Variants in AUTS2 observed in about 807,000 individuals in gnomAD.
AUTS2 encodes activator of transcription and developmental regulator AUTS2.
Under a neutral mutation model 112.4 loss-of-function variants are expected in AUTS2, and 17 were observed. That is an observed-to-expected ratio of 0.15 (90% CI 0.10 to 0.23). The LOEUF (loss-of-function observed/expected upper bound fraction) is 0.23. Ranked by LOEUF, AUTS2 falls within the 10% of genes least tolerant of loss-of-function variation. AUTS2 has a pLI of 1.00. For missense variants in AUTS2, 1,510 were observed against 1,701.6 expected (o/e 0.89, Z 1.98); for synonymous variants, 751 against 702.7 (o/e 1.07, Z -1.09).
chr7:70,356,217 CTG>C (rs1362502488), intron 4 of AUTS2, among the ~76,000 whole-genome samples: 1 of 152,180 alleles, frequency 6.6e-6, no homozygotes, highest in Non-Finnish European at 1.5e-5. Flanking sequence ...GCTTCAGTCT[CTG>C]TGAACACTCA....
At chr7:70,131,644 G>A (rs1278220041) in intron 3 of AUTS2, among the ~76,000 whole-genome samples, 2 of 152,038 alleles carry the variant, frequency 1.3e-5, no homozygotes, top group Non-Finnish European at 2.9e-5. Flanking sequence ...GTTGTTGCCT[G>A]TGTTCATATA....
rs111684752 is a variant in AUTS2, at chr7:69,700,044, G to A, written c.309+100082G>A. Among the ~76,000 whole-genome samples the A allele has an allele frequency of 3.5e-4, 54 of 152,290 alleles. 2 individuals carry two copies. Among genetic ancestry groups the A allele is most frequent in the African/African-American group, 1.2e-3 (50 of 41,558 alleles). ...TGCATTTGTAATTTTGATAGTCACT[G>A]CTAAATCCCTCTGTAGAGGTCGTAC... is the stretch of plus-strand genomic sequence containing the variant. On this transcript the variant is annotated intron_variant, in intron 1 of 18. Coordinates refer to ENST00000342771, the MANE Select transcript of AUTS2 (RefSeq NM_015570.4).
At chr7:69,969,521 T>G (rs2129547798) in intron 2 of AUTS2, among the ~76,000 whole-genome samples, 1 of 152,320 alleles carries the variant, frequency 6.6e-6, no homozygotes, top group East Asian at 1.9e-4. Flanking sequence ...TCTGCAGAAC[T>G]TTTGTTCTTT....
At chr7:69,771,457 A>G (rs960143708) in intron 1 of AUTS2, among the ~76,000 whole-genome samples, 1 of 152,200 alleles carries the variant, frequency 6.6e-6, no homozygotes, top group Non-Finnish European at 1.5e-5. Flanking sequence ...GCTGTCAAGG[A>G]GTTCACAGTC....
chr7:69,945,148 A>G (rs1796760889), intron 2 of AUTS2, among the ~76,000 whole-genome samples: 1 of 152,314 alleles, frequency 6.6e-6, no homozygotes, highest in South Asian at 2.1e-4. Flanking sequence ...CTAATTTAAA[A>G]TATATAGTTC....
chr7:69,693,814 G>C (rs1352390164), intron 1 of AUTS2, among the ~76,000 whole-genome samples: 2 of 152,194 alleles, frequency 1.3e-5, no homozygotes, highest in Non-Finnish European at 2.9e-5. Context: ...TTAGCCTGGT[G>C]GTTCTCAAAG....
chr7:70,076,900 A>T (rs551989683), intron 2 of AUTS2, among the ~76,000 whole-genome samples: 1 of 152,306 alleles, frequency 6.6e-6, no homozygotes, highest in South Asian at 2.1e-4. Flanking sequence ...CTTGCAGAGA[A>T]AGTTATCCAG....
At chr7:69,944,782 C>T (rs988457303) in intron 2 of AUTS2, among the ~76,000 whole-genome samples, 39 of 152,124 alleles carry the variant, frequency 2.6e-4, no homozygotes, top group African/African-American at 7.5e-4. Context: ...TTTACCCTTA[C>T]GTATCAGATT....
chr7:69,974,150 GTTC>G (rs2129548356), intron 2 of AUTS2, among the ~76,000 whole-genome samples: 1 of 151,372 alleles, frequency 6.6e-6, no homozygotes, highest in South Asian at 2.1e-4. Flanking sequence ...TATTTGGTGG[GTTC>G]TGGTAGTTTT....
At chr7:70,495,711 A>C (rs865845920) in intron 5 of AUTS2, among the ~76,000 whole-genome samples, 20 of 80,598 alleles carry the variant, frequency 2.5e-4, no homozygotes, top group African/African-American at 7.2e-4. Context: ...ACACACACAC[A>C]CCCCACACAT....
chr7:69,745,517 A>G (rs1485104721), intron 1 of AUTS2, among the ~76,000 whole-genome samples: 5 of 152,198 alleles, frequency 3.3e-5, no homozygotes, highest in African/African-American at 1.2e-4. Flanking sequence ...GTTGAAGTGT[A>G]CAATTTTTCT....
chr7:69,630,617 C>A (rs1460118335), intron 1 of AUTS2, among the ~76,000 whole-genome samples: 1 of 152,234 alleles, frequency 6.6e-6, no homozygotes, highest in African/African-American at 2.4e-5. Flanking sequence ...GCAGTTGAGA[C>A]AACTTCCTTT....
At chr7:69,942,684 G>A (rs1796671724) in intron 2 of AUTS2, among the ~76,000 whole-genome samples, 1 of 152,188 alleles carries the variant, frequency 6.6e-6, no homozygotes, top group Non-Finnish European at 1.5e-5. Context: ...AAGCTGCATT[G>A]TGGTAGCAAG....
intron 1 of AUTS2, among the ~76,000 whole-genome samples, chr7:69,605,916 CTGAG>C (rs1792690498): frequency 6.6e-6 from 1 of 152,136 alleles, no homozygotes; most frequent in African/African-American, 2.4e-5. Context: ...ACTGTACTTA[CTGAG>C]TTTCATTATT....
chr7:70,407,157 A>G (rs1003436158), intron 4 of AUTS2, among the ~76,000 whole-genome samples: 2 of 152,218 alleles, frequency 1.3e-5, no homozygotes, highest in African/African-American at 4.8e-5. Flanking sequence ...TGAGGAGGTA[A>G]TACAGGATGC....
chr7:70,452,952 G>T (rs1003868425), intron 5 of AUTS2, among the ~76,000 whole-genome samples: 2 of 152,138 alleles, frequency 1.3e-5, no homozygotes, highest in African/African-American at 4.8e-5. Context: ...ATGTTGTGTG[G>T]TGTGAGATTT....
chr7:70,768,043 A>G lies in AUTS2; in HGVS notation c.1709A>G (p.Lys570Arg). The G allele has an allele frequency of 6.2e-7, 1 of 1,608,336 alleles. No homozygotes were observed. The highest frequency in any genetic ancestry group is 8.5e-7 in the Non-Finnish European group (1 of 1,178,246). Reference sequence around the variant, plus strand: ...TTACAGTTTGACAAATACCCTACAAAAGTTGACCCATTCTACCGGCACAGT... The same window carrying G: ...TTACAGTTTGACAAATACCCTACAAGAGTTGACCCATTCTACCGGCACAGT... ...APPMFDKYPT[K>R]VDPFYRHSLF... Residue 570 changes from lysine to arginine, a missense_variant, in exon 10 of 19, where the codon AAA (lysine) becomes AGA (arginine). This residue lies in a region of AUTS2 where 187 missense variants were observed against 309.7 expected (regional missense o/e 0.60). Coordinates refer to ENST00000342771, the MANE Select transcript of AUTS2 (RefSeq NM_015570.4).
intron 5 of AUTS2, among the ~76,000 whole-genome samples, chr7:70,440,335 G>T (rs1796076257): frequency 6.6e-6 from 1 of 151,934 alleles, no homozygotes; most frequent in African/African-American, 2.4e-5. Context: ...TTGAGCCTAG[G>T]AGTTTCAAGA....
intron 1 of AUTS2, among the ~76,000 whole-genome samples, chr7:69,645,907 A>G (rs1361461278): frequency 6.6e-6 from 1 of 152,086 alleles, no homozygotes; most frequent in Admixed American, 6.5e-5. Flanking sequence ...CCAATGGACT[A>G]GAGGTCAGGA....
Sources: allele counts gnomAD v4.1 joint callset (sites outside exome capture counted in the v4.1 genomes callset), GRCh38; gene constraint gnomAD v4.1.1; regional missense constraint gnomAD v4.1.1; transcripts MANE v1.5; gene names NCBI Gene and HGNC (gene_info 2026-07-23, HGNC 2026-07-21).